Variants in RALYL observed in about 807,000 individuals in gnomAD.
RALYL encodes the protein RALY RNA binding protein like.
Under a neutral mutation model 35.1 loss-of-function variants are expected in RALYL, and 29 were observed. That is an observed-to-expected ratio of 0.83 (90% CI 0.61 to 1.13). The LOEUF is 1.13. Among genes scored for constraint, RALYL ranks in the 50% most tolerant of loss-of-function variants. The pLI, the probability that RALYL is intolerant of heterozygous loss-of-function variation, is 0.00. For missense variants in RALYL, 359 were observed against 360.4 expected (o/e 1.00, Z 0.03); for synonymous variants, 120 against 127.6 (o/e 0.94, Z 0.40).
chr8:84,384,695 CTG>C (rs1221725214), intron 1 of RALYL, among the ~76,000 whole-genome samples: 2 of 151,722 alleles, frequency 1.3e-5, no homozygotes, highest in Non-Finnish European at 2.9e-5. Flanking sequence ...TTTTCTTACT[CTG>C]TGAATTCAAA....
At chr8:84,649,679 T>C (rs1432208291) in intron 2 of RALYL, among the ~76,000 whole-genome samples, 12 of 152,178 alleles carry the variant, frequency 7.9e-5, no homozygotes, top group African/African-American at 2.9e-4. Flanking sequence ...TTTTGGTTCC[T>C]GTAGCCTTGT....
intron 8 of RALYL, among the ~76,000 whole-genome samples, chr8:84,908,739 T>A (rs1370883992): frequency 6.6e-6 from 1 of 152,100 alleles, no homozygotes; most frequent in African/African-American, 2.4e-5. Context: ...TGGGCAGCCC[T>A]AGCAGTTTGT....
At chr8:84,698,392 G>A (rs1839546869) in intron 2 of RALYL, among the ~76,000 whole-genome samples, 2 of 151,838 alleles carry the variant, frequency 1.3e-5, no homozygotes. Flanking sequence ...TGAACTCTAG[G>A]GGTGATGATG....
chr8:84,238,743 C>T (rs10105026), intron 1 of RALYL, among the ~76,000 whole-genome samples: 67,204 of 151,836 alleles, frequency 0.44, 14,894 homozygotes, highest in Middle Eastern at 0.47. Context: ...TTTAGAGCTT[C>T]TTCCATCAAG....
intron 4 of RALYL, among the ~76,000 whole-genome samples, chr8:84,845,231 T>A (rs1023178814): frequency 1.3e-5 from 2 of 152,236 alleles, no homozygotes; most frequent in Non-Finnish European, 2.9e-5. Context: ...GTCCCCTCAA[T>A]CAATAGCAAT....
At chr8:84,725,601 T>G (rs1487559314) in intron 2 of RALYL, among the ~76,000 whole-genome samples, 1 of 151,770 alleles carries the variant, frequency 6.6e-6, no homozygotes, top group Non-Finnish European at 1.5e-5. Context: ...CAATAATTTT[T>G]ATATTCAGCA....
chr8:84,611,154 A>G (rs1293910896), intron 2 of RALYL, among the ~76,000 whole-genome samples: 2 of 152,136 alleles, frequency 1.3e-5, no homozygotes, highest in Non-Finnish European at 2.9e-5. Flanking sequence ...ACAGAAAACT[A>G]AAAGTGGTAT....
intron 2 of RALYL, among the ~76,000 whole-genome samples, chr8:84,632,924 T>C (rs533662268): frequency 1.3e-5 from 2 of 152,010 alleles, no homozygotes; most frequent in East Asian, 3.9e-4. Context: ...GACTTTATAA[T>C]GACTTCATGC....
Position 84,697,540 on chromosome 8 carries a change from A to G in RALYL, c.257-77039A>G, listed in dbSNP as rs375021565. On this transcript the variant is annotated intron_variant, in intron 2 of 8. Coordinates refer to ENST00000521268, the MANE Select transcript of RALYL (RefSeq NM_173848.7). Reference sequence around the variant, plus strand: ...TCATTTCAGTGGACTTCATGCACCAATTAGGCTTTACTTGAATATCTTTAG... The same window carrying G: ...TCATTTCAGTGGACTTCATGCACCAGTTAGGCTTTACTTGAATATCTTTAG... Among the ~76,000 whole-genome samples, 14 of 152,210 alleles carry G rather than the reference A, an allele frequency of 9.2e-5. 1 individual carries two copies. In the South Asian group the frequency reaches 1.9e-3, roughly 20 times the overall value.
At chr8:84,443,596 A>G (rs968304262) in intron 1 of RALYL, among the ~76,000 whole-genome samples, 1 of 152,158 alleles carries the variant, frequency 6.6e-6, no homozygotes, top group Non-Finnish European at 1.5e-5. Flanking sequence ...TGCTTGGTAT[A>G]GAGCGTGCTC....
intron 2 of RALYL, among the ~76,000 whole-genome samples, chr8:84,755,720 GT>G (rs1811230065): frequency 6.6e-6 from 1 of 151,756 alleles, no homozygotes. Flanking sequence ...TTATACAAAG[GT>G]GATAATAGAA....
intron 2 of RALYL, among the ~76,000 whole-genome samples, chr8:84,720,157 T>C (rs545830074): frequency 1.3e-5 from 2 of 152,046 alleles, no homozygotes; most frequent in South Asian, 4.2e-4. Flanking sequence ...AAAAAACTCA[T>C]CTTAAAAAAT....
intron 1 of RALYL, among the ~76,000 whole-genome samples, chr8:84,406,995 T>TCC (rs1469493294): frequency 6.8e-6 from 1 of 146,892 alleles, no homozygotes; most frequent in East Asian, 2.0e-4. Flanking sequence ...GTTCTCTCTC[T>TCC]CTCTCCCTCT....
intron 2 of RALYL, among the ~76,000 whole-genome samples, chr8:84,736,337 T>A (rs1396579008): frequency 1.3e-5 from 2 of 151,992 alleles, no homozygotes; most frequent in East Asian, 3.9e-4. Flanking sequence ...AGGAAAAAAA[T>A]CATCTTCTCT....
Position 84,373,328 on chromosome 8 carries a change from C to T in RALYL, c.-23-155971C>T, listed in dbSNP as rs570687296. 3.9e-5 allele frequency among the ~76,000 whole-genome samples: 6 copies of T among 152,058 alleles called. No individual in the cohort carries two copies. In the East Asian group the frequency reaches 1.2e-3, roughly 30 times the overall value. ...TCCAGAATGGTGTTACCTAGGTCAT[C>T]ATTGAGGGTTTTTATAGTTTCAGGT... On this transcript the variant is annotated intron_variant, in intron 1 of 8. Transcript: ENST00000521268.
chr8:84,578,254 C>T (rs559380546), intron 2 of RALYL, among the ~76,000 whole-genome samples: 38 of 152,336 alleles, frequency 2.5e-4, no homozygotes, highest in African/African-American at 6.5e-4. Flanking sequence ...GCACCATAAG[C>T]GGCTTCTGCT....
chr8:84,284,368 G>A (rs983654355), intron 1 of RALYL, among the ~76,000 whole-genome samples: 1 of 152,096 alleles, frequency 6.6e-6, no homozygotes, highest in African/African-American at 2.4e-5. Flanking sequence ...AAAGTCATCT[G>A]TAGTTCAGCA....
chr8:84,332,584 G>A (rs970713824), intron 1 of RALYL, among the ~76,000 whole-genome samples: 9 of 152,034 alleles, frequency 5.9e-5, no homozygotes, highest in African/African-American at 2.2e-4. Flanking sequence ...GTAATAAAGA[G>A]AAATCTTATC....
chr8:84,825,557 CA>C (rs1829487290), intron 4 of RALYL, among the ~76,000 whole-genome samples: 1 of 152,128 alleles, frequency 6.6e-6, no homozygotes, highest in Non-Finnish European at 1.5e-5. Flanking sequence ...ACATGTTTAT[CA>C]CAGCACTATT....
Sources: gnomAD v4.1 joint callset for allele counts (sites outside exome capture counted in the v4.1 genomes callset) on GRCh38, gnomAD v4.1.1 for gene constraint, MANE v1.5 for transcripts, NCBI Gene and HGNC (gene_info 2026-07-23, HGNC 2026-07-21) for gene names.